Variants in DOCK7 observed in about 807,000 individuals in gnomAD.
DOCK7 encodes dedicator of cytokinesis protein 7.
A neutral mutation model predicts 271.0 loss-of-function variants in DOCK7; 138 were observed. The observed-to-expected ratio is 0.51, with a 90% CI of 0.44 to 0.59. The LOEUF (loss-of-function observed/expected upper bound fraction) is 0.59. Among genes scored for constraint, DOCK7 ranks in the 20% least tolerant of loss-of-function variants. The pLI, the probability that DOCK7 is intolerant of heterozygous loss-of-function variation, is 0.00. For missense variants in DOCK7, 2,066 were observed against 2,592.4 expected (o/e 0.80, Z 4.41); for synonymous variants, 823 against 876.1 (o/e 0.94, Z 1.07).
At chr1:62,585,912 T>C (rs1356851035) in intron 15 of DOCK7, among the ~76,000 whole-genome samples, 7 of 152,116 alleles carry the variant, frequency 4.6e-5, no homozygotes, top group South Asian at 2.1e-4. Context: ...TCCCCATACA[T>C]TATGATTTAA....
chr1:62,464,362 TCA>T (rs1405059393), intron 48 of DOCK7, among the ~76,000 whole-genome samples: 2 of 148,792 alleles, frequency 1.3e-5, no homozygotes, highest in African/African-American at 4.9e-5. Flanking sequence ...TGCCTAGCCA[TCA>T]GTCTGTTTTA....
intron 1 of DOCK7, among the ~76,000 whole-genome samples, chr1:62,675,332 G>T (rs1660430278): frequency 6.6e-6 from 1 of 152,048 alleles, no homozygotes; most frequent in South Asian, 2.1e-4. Flanking sequence ...GAGCCCAGGA[G>T]TTCAAAGCAG....
intron 14 of DOCK7, chr1:62,604,272 C>T (rs773596516): frequency 1.2e-6 from 2 of 1,605,306 alleles, no homozygotes; most frequent in South Asian, 2.2e-5. Flanking sequence ...ATTTTCATAT[C>T]TTCAAAGTAT....
At chr1:62,466,359 A>G (rs1386317373) in intron 48 of DOCK7, among the ~76,000 whole-genome samples, 1 of 152,198 alleles carries the variant, frequency 6.6e-6, no homozygotes, top group Non-Finnish European at 1.5e-5. Flanking sequence ...GTACAAATGC[A>G]GTCAGGTTTA....
Position 62,648,485 on chromosome 1 carries a change from T to G in DOCK7, c.449A>C (p.Gln150Pro), listed in dbSNP as rs772948375. 6 of 1,528,522 alleles carry G rather than the reference T, an allele frequency of 3.9e-6. No individual in the cohort carries two copies. Among genetic ancestry groups the G allele is most frequent in the Middle Eastern group, 2.2e-4 (1 of 4,560 alleles). The allele number at this position is 1,528,522 out of a possible 1,614,324, so 94.7% of individuals were successfully genotyped here. ...AAAAACTTGTTTTGGCAAACCTTTTTGCCTTTCTTTCTGTTTATCTAATGT... is the reference window on the plus strand; with the variant it reads ...AAAAACTTGTTTTGGCAAACCTTTTGGCCTTTCTTTCTGTTTATCTAATGT... ...PNTLDKQKER[Q>P]KGLPKQVFES... Residue 150 changes from glutamine to proline, a missense_variant, in exon 5 of 50, where the codon CAA becomes CCA. Transcript: ENST00000635253.
At chr1:62,600,278 T>C (rs1371325867) in intron 14 of DOCK7, among the ~76,000 whole-genome samples, 1 of 151,760 alleles carries the variant, frequency 6.6e-6, no homozygotes, top group Admixed American at 6.6e-5. Flanking sequence ...AACTTTCTCA[T>C]ATTTAAATTA....
intron 7 of DOCK7, 112 bp downstream of exon 7, chr1:62,647,579 C>T: frequency 1.4e-6 from 1 of 732,622 alleles, no homozygotes; most frequent in Non-Finnish European, 2.3e-6. Context: ...TAGAACAATA[C>T]TTCTCAAAAG....
chr1:62,594,623 A>G (rs1399225313), intron 14 of DOCK7, among the ~76,000 whole-genome samples: 2 of 152,156 alleles, frequency 1.3e-5, no homozygotes, highest in South Asian at 2.1e-4. Flanking sequence ...AGAATGTACT[A>G]TATCAAAAGG....
intron 18 of DOCK7, among the ~76,000 whole-genome samples, chr1:62,569,712 T>TCCCCCC (rs759891951): frequency 5.2e-5 from 3 of 57,278 alleles, no homozygotes; most frequent in Non-Finnish European, 6.9e-5. Context: ...CTCTCCCCCC[T>TCCCCCC]CCCCCCCCCC....
intron 40 of DOCK7, among the ~76,000 whole-genome samples, chr1:62,493,884 C>T (rs996690538): frequency 5.3e-5 from 8 of 152,030 alleles, no homozygotes; most frequent in African/African-American, 1.9e-4. Flanking sequence ...ATAAAATAAT[C>T]TAATATTTTA....
chr1:62,487,719 C>T (rs1442533864), intron 42 of DOCK7: 1 of 253,926 alleles, frequency 3.9e-6, no homozygotes, highest in Non-Finnish European at 7.6e-6. Context: ...TGCACTTCAC[C>T]AAGTATCCAG....
At chr1:62,676,696 G>A (rs1289551749) in intron 1 of DOCK7, among the ~76,000 whole-genome samples, 3 of 152,162 alleles carry the variant, frequency 2.0e-5, no homozygotes, top group Non-Finnish European at 4.4e-5. Context: ...TCCGTACCAC[G>A]ATCCTGTAAC....
At chr1:62,513,656 A>AT (rs1420139820) in intron 32 of DOCK7, 50 bp from the exon 33 acceptor site, 1 of 1,602,364 alleles carries the variant, frequency 6.2e-7, no homozygotes, top group Non-Finnish European at 8.5e-7. Context: ...ATTTTCTTCT[A>AT]TTTTTTCCAC....
At chr1:62,496,310 T>C (rs1487566746) in intron 38 of DOCK7, 29 bp downstream of exon 38, 13 of 1,604,668 alleles carry the variant, frequency 8.1e-6, no homozygotes, top group Non-Finnish European at 1.0e-5. Flanking sequence ...CCTATTTCAA[T>C]TAATGATCTA....
At chr1:62,640,750 T>C (rs1436687432) in intron 7 of DOCK7, among the ~76,000 whole-genome samples, 1 of 152,150 alleles carries the variant, frequency 6.6e-6, no homozygotes, top group African/African-American at 2.4e-5. Flanking sequence ...GTATAGCATA[T>C]GACCAGGTGG....
intron 22 of DOCK7, among the ~76,000 whole-genome samples, chr1:62,548,517 T>G (rs1645787751): frequency 6.6e-6 from 1 of 150,490 alleles, no homozygotes; most frequent in African/African-American, 2.4e-5. Flanking sequence ...GCCTCCTGGG[T>G]TCAAGTGATT....
intron 12 of DOCK7, 136 bp downstream of exon 12, chr1:62,625,123 T>C (rs1474316621): frequency 9.1e-6 from 6 of 662,124 alleles, no homozygotes; most frequent in East Asian, 8.7e-5. Context: ...GTTGCTTTTA[T>C]TATTTTTATT....
At chr1:62,622,715 G>A (rs1448514005) in intron 12 of DOCK7, among the ~76,000 whole-genome samples, 5 of 152,168 alleles carry the variant, frequency 3.3e-5, no homozygotes, top group African/African-American at 1.2e-4. Flanking sequence ...CGGATCACAA[G>A]GTTAGGAGAT....
chr1:62,681,294 C>T (rs1305087334), intron 1 of DOCK7, among the ~76,000 whole-genome samples: 1 of 149,714 alleles, frequency 6.7e-6, no homozygotes, highest in Admixed American at 6.7e-5. Flanking sequence ...GACAGAAAAC[C>T]AAACACCACA....
Sources: gnomAD v4.1 joint callset for allele counts (sites outside exome capture counted in the v4.1 genomes callset) on GRCh38, gnomAD v4.1.1 for gene constraint, MANE v1.5 for transcripts, NCBI Gene and HGNC (gene_info 2026-07-23, HGNC 2026-07-21) for gene names.